Variants in FSIP1 observed in about 807,000 individuals in gnomAD.
FSIP1 encodes the protein fibrous sheath interacting protein 1, also known as fibrous sheath-interacting protein 1.
In FSIP1, 65 loss-of-function variants were observed where a neutral mutation model predicts 60.9. The observed-to-expected ratio is 1.07, with a 90% CI of 0.87 to 1.31. The LOEUF is 1.31. Among genes scored for constraint, FSIP1 ranks in the 40% most tolerant of loss-of-function variants. FSIP1 has a pLI of 0.00. For missense variants in FSIP1, 675 were observed against 665.5 expected (o/e 1.01, Z -0.16); for synonymous variants, 209 against 221.2 (o/e 0.94, Z 0.49).
intron 10 of FSIP1, among the ~76,000 whole-genome samples, chr15:39,646,967 C>T (rs1892642401): frequency 6.6e-6 from 1 of 151,960 alleles, no homozygotes; most frequent in African/African-American, 2.4e-5. Context: ...AAACCAGACA[C>T]AGAAAGAAAA....
intron 10 of FSIP1, among the ~76,000 whole-genome samples, chr15:39,634,663 C>G (rs1288706167): frequency 1.3e-5 from 2 of 152,236 alleles, no homozygotes. Context: ...CTTCACCACA[C>G]TAGCATGTGG....
chr15:39,634,832 G>T (rs537494978), intron 10 of FSIP1, among the ~76,000 whole-genome samples: 1 of 152,130 alleles, frequency 6.6e-6, no homozygotes, highest in Non-Finnish European at 1.5e-5. Context: ...GACATCAGTG[G>T]TACCTAATGT....
intron 9 of FSIP1, among the ~76,000 whole-genome samples, chr15:39,720,523 G>A (rs1895913643): frequency 6.6e-6 from 1 of 152,116 alleles, no homozygotes; most frequent in Admixed American, 6.5e-5. Flanking sequence ...ACGGTGAACT[G>A]GAATTCTAGA....
intron 10 of FSIP1, among the ~76,000 whole-genome samples, chr15:39,667,107 A>G (rs889859124): frequency 6.6e-6 from 1 of 152,226 alleles, no homozygotes; most frequent in African/African-American, 2.4e-5. Context: ...GAGGACAAAC[A>G]TGGACGAGTG....
In FSIP1 at chr15:39,780,176, C is replaced by A. The variant is rs2638008; in HGVS notation, c.-8+2452G>T. Among the ~76,000 whole-genome samples the A allele has an allele frequency of 6.2e-3, 951 of 152,310 alleles. 8 individuals carry two copies. The highest frequency in any genetic ancestry group is 0.022 in the African/African-American group (895 of 41,568). On this transcript the variant is annotated intron_variant, in intron 1 of 11. Transcript: ENST00000350221. The stretch of plus-strand genomic sequence containing the variant: ...TTTATACCCATCGACTCCTCCCCAA[C>A]GCAGACACACATACAAATGGCATGG...
intron 10 of FSIP1, among the ~76,000 whole-genome samples, chr15:39,676,904 CTT>C (rs1354190640): frequency 6.6e-6 from 1 of 152,170 alleles, no homozygotes; most frequent in Non-Finnish European, 1.5e-5. Flanking sequence ...AAATTAGTGT[CTT>C]TTCTGCCTTT....
chr15:39,767,893 C>A (rs1897747769), intron 3 of FSIP1, among the ~76,000 whole-genome samples: 1 of 152,228 alleles, frequency 6.6e-6, no homozygotes, highest in African/African-American at 2.4e-5. Flanking sequence ...TGATTCGATT[C>A]TTCTGGTATA....
chr15:39,667,372 T>A (rs1893537067), intron 10 of FSIP1, among the ~76,000 whole-genome samples: 1 of 152,168 alleles, frequency 6.6e-6, no homozygotes, highest in African/African-American at 2.4e-5. Flanking sequence ...TGGTAGCACA[T>A]GTAGAGCTTG....
At chr15:39,719,616 T>A (rs571928185) in intron 9 of FSIP1, among the ~76,000 whole-genome samples, 7 of 152,324 alleles carry the variant, frequency 4.6e-5, no homozygotes, top group African/African-American at 1.7e-4. Flanking sequence ...AATACAAACC[T>A]GCCTAAATAA....
chr15:39,684,805 A>G (rs1894300463), intron 10 of FSIP1, among the ~76,000 whole-genome samples: 1 of 152,288 alleles, frequency 6.6e-6, no homozygotes, highest in Non-Finnish European at 1.5e-5. Flanking sequence ...AGTTCCTGCC[A>G]TATATCCTGA....
In FSIP1 at chr15:39,693,313, T is replaced by C. The variant is rs987034036; in HGVS notation, c.1188+20131A>G. Among the ~76,000 whole-genome samples the C allele has an allele frequency of 3.3e-5, 5 of 152,340 alleles. No individual in the cohort carries two copies. The South Asian group carries it at 1.0e-3, about 32-fold the overall frequency. On this transcript the variant is annotated intron_variant, in intron 10 of 11. Coordinates refer to ENST00000350221, the MANE Select transcript of FSIP1 (RefSeq NM_152597.5). ...CTGGTAGCTCCTGAACAGCCAAGTA[T>C]ATAAGCCACAAAAACAGTATAAAAA...
intron 10 of FSIP1, among the ~76,000 whole-genome samples, chr15:39,706,909 A>T (rs1385091104): frequency 3.3e-5 from 5 of 152,356 alleles, no homozygotes; most frequent in African/African-American, 1.2e-4. Context: ...TTCAAGATAC[A>T]TAGACCTATC....
At chr15:39,606,326 T>C (rs1890822710) in intron 11 of FSIP1, among the ~76,000 whole-genome samples, 1 of 152,224 alleles carries the variant, frequency 6.6e-6, no homozygotes, top group African/African-American at 2.4e-5. Context: ...CTTGTTGCAT[T>C]TACTATAGGC....
chr15:39,672,081 T>C (rs1236401658), intron 10 of FSIP1, among the ~76,000 whole-genome samples: 2 of 152,210 alleles, frequency 1.3e-5, no homozygotes, highest in African/African-American at 2.4e-5. Flanking sequence ...CGGTTATGAC[T>C]GTGGGTTTTG....
rs77212889 is a variant in FSIP1, at chr15:39,752,456, G to A, written c.560-10556C>T. Among the ~76,000 whole-genome samples, 768 of 152,090 alleles carry A rather than the reference G, an allele frequency of 5.0e-3. 7 individuals carry two copies. The highest frequency in any genetic ancestry group is 0.018 in the African/African-American group (745 of 41,514). On this transcript the variant is annotated intron_variant, in intron 5 of 11. Coordinates refer to ENST00000350221, the MANE Select transcript of FSIP1 (RefSeq NM_152597.5). ...AAATATTTCCTCAGCCAGGTGAACA[G>A]AGTTAACATTAATAGCAATGTTATG...
rs763028551 is a variant in FSIP1 at position 39,770,525 on chromosome 15, T to C, written c.212A>G (p.Asp71Gly). 5 of 1,611,502 alleles carry C rather than the reference T, an allele frequency of 3.1e-6. No homozygotes were observed. The African/African-American group carries it at 5.3e-5, about 17-fold the overall frequency. ...TTTCTCAGAGCAGCTTTCCTGCTTA[T>C]CATCATTACTAGTTCTTCTGTTCTC... ...NTENRRTSND[D>G]KQESCSEKIK... The change falls in exon 3 of 12, where the codon GAT becomes GGT. Residue 71 changes from aspartate to glycine, a missense_variant. Physicochemically the swap from Asp to Gly is moderately conservative, Grantham distance 94 (BLOSUM62 -1). Coordinates refer to ENST00000350221, the MANE Select transcript of FSIP1 (RefSeq NM_152597.5).
intron 1 of FSIP1, among the ~76,000 whole-genome samples, chr15:39,780,876 C>T (rs998900099): frequency 6.6e-6 from 1 of 152,190 alleles, no homozygotes; most frequent in East Asian, 1.9e-4. Context: ...GGGTGAGCCA[C>T]CGTGCCTGGC....
At chr15:39,711,943 T>C (rs1033941267) in intron 10 of FSIP1, among the ~76,000 whole-genome samples, 1 of 152,028 alleles carries the variant, frequency 6.6e-6, no homozygotes, top group African/African-American at 2.4e-5. Context: ...CGCCTCGGCC[T>C]CCCAAAGTGC....
chr15:39,713,695 T>C (rs1427649478), intron 9 of FSIP1, 114 bp from the exon 10 acceptor site: 8 of 954,600 alleles, frequency 8.4e-6, no homozygotes, highest in Non-Finnish European at 1.1e-5. Context: ...CAATTATTTC[T>C]TCCCTTCAAA....
Sources: gnomAD v4.1 joint callset for allele counts (sites outside exome capture counted in the v4.1 genomes callset) on GRCh38, gnomAD v4.1.1 for gene constraint, MANE v1.5 for transcripts, NCBI Gene and HGNC (gene_info 2026-07-23, HGNC 2026-07-21) for gene names.